ANKRD44: variants seen among roughly 807,000 people sequenced by gnomAD.
ANKRD44 encodes serine/threonine-protein phosphatase 6 regulatory ankyrin repeat subunit B.
Under a neutral mutation model 116.0 loss-of-function variants are expected in ANKRD44, and 35 were observed. The observed-to-expected ratio is 0.30, with a 90% CI of 0.23 to 0.40. The LOEUF is 0.40. ANKRD44 is among the 10% of genes least tolerant of loss of function. ANKRD44 has a pLI of 1.00. For synonymous variants in ANKRD44, 435 were observed against 461.8 expected (o/e 0.94, Z 0.74); for missense variants, 1,014 against 1,242.6 (o/e 0.82, Z 2.77).
chr2:197,177,514 G>C (rs2080394713), intron 2 of ANKRD44, among the ~76,000 whole-genome samples: 1 of 152,042 alleles, frequency 6.6e-6, no homozygotes, highest in Non-Finnish European at 1.5e-5. Flanking sequence ...CAAATACAAT[G>C]AACACATTTT....
intron 16 of ANKRD44, among the ~76,000 whole-genome samples, chr2:197,035,419 G>A (rs951217634): frequency 3.3e-5 from 5 of 152,268 alleles, no homozygotes; most frequent in African/African-American, 9.6e-5. Flanking sequence ...TGTGTCTGAG[G>A]TAAGCCTCTT....
At chr2:197,302,010 G>A (rs185845553) in intron 1 of ANKRD44, among the ~76,000 whole-genome samples, 3 of 152,350 alleles carry the variant, frequency 2.0e-5, no homozygotes, top group East Asian at 3.9e-4. Flanking sequence ...GGAAAGACCC[G>A]AAAGAGGTAA....
chr2:197,122,356 G>A (rs1334405591), intron 7 of ANKRD44, among the ~76,000 whole-genome samples: 6 of 152,158 alleles, frequency 3.9e-5, no homozygotes, highest in Non-Finnish European at 7.3e-5. Context: ...TGGAAGGTGG[G>A]ATGCAGAACC....
chr2:197,097,300 G>GA lies in ANKRD44; in HGVS notation c.1100+2515dup, dbSNP rs531470445. 7.2e-5 allele frequency among the ~76,000 whole-genome samples: 11 copies of GA among 151,840 alleles called. No individual in the cohort carries two copies. In the East Asian group the frequency reaches 1.9e-3, roughly 27 times the overall value. ...AAAATTTCCCAAGTAACCCAAAGCT[G>GA]AAAAAAAATACCACTGAAAATATTA... On this transcript the variant is annotated intron_variant, in intron 10 of 27. Transcript: ENST00000282272.
chr2:197,030,869 G>T (rs1023738768), intron 16 of ANKRD44, among the ~76,000 whole-genome samples: 2 of 152,030 alleles, frequency 1.3e-5, no homozygotes, highest in African/African-American at 4.8e-5. Context: ...TAGAGATGCG[G>T]TCTCACTATG....
chr2:197,170,919 A>G (rs2080219287), intron 2 of ANKRD44, among the ~76,000 whole-genome samples: 1 of 152,162 alleles, frequency 6.6e-6, no homozygotes, highest in Admixed American at 6.5e-5. Context: ...AGATTCCCTG[A>G]TGATGGAGTG....
intron 1 of ANKRD44, among the ~76,000 whole-genome samples, chr2:197,278,760 AC>A (rs1173408027): frequency 1.3e-5 from 2 of 151,790 alleles, no homozygotes; most frequent in Admixed American, 1.3e-4. Flanking sequence ...CTTCCCCACC[AC>A]CCCTTTCCTT....
At chr2:197,174,747 C>G (rs1040362682) in intron 2 of ANKRD44, among the ~76,000 whole-genome samples, 1 of 152,186 alleles carries the variant, frequency 6.6e-6, no homozygotes, top group Non-Finnish European at 1.5e-5. Context: ...CCATGATGAG[C>G]TCATGGAGCT....
intron 1 of ANKRD44, among the ~76,000 whole-genome samples, chr2:197,190,562 A>G (rs2080798817): frequency 6.6e-6 from 1 of 152,146 alleles, no homozygotes; most frequent in South Asian, 2.1e-4. Flanking sequence ...ATTCCCAGAG[A>G]GCACTTTGGC....
At chr2:197,294,415 C>T (rs187727891) in intron 1 of ANKRD44, among the ~76,000 whole-genome samples, 52 of 152,180 alleles carry the variant, frequency 3.4e-4, no homozygotes, top group Admixed American at 3.4e-3. Context: ...TTCAAGGTGC[C>T]CATCTTCATC....
In ANKRD44 at chr2:197,016,403, G is replaced by A. The variant is rs116750063; in HGVS notation, c.1723-2691C>T. 7.6e-3 allele frequency among the ~76,000 whole-genome samples: 1,112 copies of A among 145,910 alleles called. 13 individuals carry two copies. The highest frequency in any genetic ancestry group is 0.027 in the African/African-American group (1,044 of 39,244). The stretch of plus-strand genomic sequence containing the variant: ...GGCATTTTTAACTTTCAATATTTGT[G>A]TAATTCCATTTTTCTACATTTTAAT... On this transcript the variant is annotated intron_variant, in intron 17 of 27. Transcript: ENST00000282272.
At chr2:197,010,019 G>A (rs2076269041) in intron 18 of ANKRD44, among the ~76,000 whole-genome samples, 1 of 152,048 alleles carries the variant, frequency 6.6e-6, no homozygotes, top group Non-Finnish European at 1.5e-5. Flanking sequence ...AGAGAAGGGA[G>A]TGGAAGTGTG....
intron 16 of ANKRD44, chr2:197,028,734 C>G: frequency 5.6e-6 from 1 of 178,730 alleles, no homozygotes; most frequent in Non-Finnish European, 1.1e-5. Flanking sequence ...TTATTTTCCT[C>G]TGTGGTAGCT....
intron 1 of ANKRD44, among the ~76,000 whole-genome samples, chr2:197,298,980 C>T (rs1226427060): frequency 6.6e-6 from 1 of 151,984 alleles, no homozygotes; most frequent in Non-Finnish European, 1.5e-5. Flanking sequence ...TGTAAAAGGA[C>T]TCTCTTTTTA....
intron 8 of ANKRD44, among the ~76,000 whole-genome samples, chr2:197,120,609 C>T (rs1236622206): frequency 6.6e-6 from 1 of 152,028 alleles, no homozygotes; most frequent in Non-Finnish European, 1.5e-5. Flanking sequence ...TGAGATCACG[C>T]CATTGCATTC....
chr2:196,992,252 G>A (rs1018521692), intron 27 of ANKRD44, among the ~76,000 whole-genome samples: 1 of 152,060 alleles, frequency 6.6e-6, no homozygotes, highest in African/African-American at 2.4e-5. Flanking sequence ...ATCATCACTC[G>A]ACCTGCTCTC....
intron 20 of ANKRD44, 92 bp from the exon 21 acceptor site, chr2:197,006,002 G>T: frequency 8.5e-7 from 1 of 1,180,456 alleles, no homozygotes; most frequent in Non-Finnish European, 1.2e-6. Context: ...AGAGCAAGTG[G>T]ACATATGCCT....
rs772684908 is a variant in ANKRD44, at chr2:197,121,446, G to A, written c.792C>T (p.Asn264=). ...ACCCATTATTGTTTGGCTGGTTCAC[G>A]TTAGCACCGTAGTCAATCAACTCGT... is the stretch of plus-strand genomic sequence containing the variant. ...VVNELIDYGA[N]VNQPNNNGFT... Residue 264 remains asparagine, a synonymous_variant, in exon 8 of 28, where the codon AAC becomes AAT. Transcript: ENST00000282272. The A allele has an allele frequency of 1.8e-5, 29 of 1,614,084 alleles. No homozygotes were observed. The highest frequency in any genetic ancestry group is 4.4e-5 in the South Asian group (4 of 91,088).
intron 1 of ANKRD44, among the ~76,000 whole-genome samples, chr2:197,225,968 A>G (rs1574311793): frequency 6.6e-6 from 1 of 152,166 alleles, no homozygotes; most frequent in Non-Finnish European, 1.5e-5. Context: ...TAAACTCTCT[A>G]TGCATCTTTC....
Sources: gnomAD v4.1 joint callset for allele counts (sites outside exome capture counted in the v4.1 genomes callset) on GRCh38, gnomAD v4.1.1 for gene constraint, MANE v1.5 for transcripts, NCBI Gene and HGNC (gene_info 2026-07-23, HGNC 2026-07-21) for gene names.